PTPRJ: variants seen among roughly 807,000 people sequenced by gnomAD.
PTPRJ encodes protein tyrosine phosphatase receptor type J, also known as receptor-type tyrosine-protein phosphatase eta.
A neutral mutation model predicts 141.3 loss-of-function variants in PTPRJ; 129 were observed. The observed-to-expected ratio is 0.91, with a 90% CI of 0.79 to 1.06. The LOEUF (loss-of-function observed/expected upper bound fraction) is 1.06. Among genes scored for constraint, PTPRJ ranks in the 50% least tolerant of loss-of-function variants. The pLI is 0.00. For synonymous variants in PTPRJ, 610 were observed against 640.5 expected (o/e 0.95, Z 0.72); for missense variants, 1,601 against 1,679.7 (o/e 0.95, Z 0.82).
chr11:48,018,931 A>C (rs1274046578), intron 1 of PTPRJ, among the ~76,000 whole-genome samples: 2 of 152,060 alleles, frequency 1.3e-5, no homozygotes, highest in Admixed American at 6.5e-5. Context: ...TCGCCTCTGC[A>C]GGCTGGTGGG....
At chr11:48,157,455 T>A (rs1310759347) in intron 21 of PTPRJ, among the ~76,000 whole-genome samples, 1 of 152,240 alleles carries the variant, frequency 6.6e-6, no homozygotes, top group Non-Finnish European at 1.5e-5. Flanking sequence ...ATTCGATTCC[T>A]TAAGCCAGTG....
At chr11:48,149,539 T>G (rs766698946) in intron 16 of PTPRJ, 51 bp downstream of exon 16, 2 of 1,177,176 alleles carry the variant, frequency 1.7e-6, no homozygotes. Flanking sequence ...ATCTGTTCGG[T>G]GACTATCTAT....
At chr11:48,092,318 GAAA>G (rs1565298767) in intron 1 of PTPRJ, among the ~76,000 whole-genome samples, 1 of 113,166 alleles carries the variant, frequency 8.8e-6, no homozygotes, top group Non-Finnish European at 1.8e-5. Flanking sequence ...AAAAAAAAAA[GAAA>G]AAGAAAAAAA....
chr11:48,087,385 T>A (rs1855744755), intron 1 of PTPRJ, among the ~76,000 whole-genome samples: 1 of 152,234 alleles, frequency 6.6e-6, no homozygotes, highest in Non-Finnish European at 1.5e-5. Flanking sequence ...ATATTTCCTT[T>A]TGTGAGACAA....
rs796280456 is a variant in PTPRJ at position 48,062,512 on chromosome 11, C to CA, written c.97-47536dup. Among the ~76,000 whole-genome samples the CA allele has an allele frequency of 3.9e-3, 563 of 144,868 alleles. 4 individuals are homozygous for CA. The highest frequency in any genetic ancestry group is 0.031 in the Middle Eastern group (9 of 290). On this transcript the variant is annotated intron_variant, in intron 1 of 24. Coordinates refer to ENST00000418331, the MANE Select transcript of PTPRJ (RefSeq NM_002843.4). ...TGGGCGACAGAGCGAGACTCCATCT[C>CA]AAAAAAAAAACCAAAAAAAACAGTG...
intron 1 of PTPRJ, among the ~76,000 whole-genome samples, chr11:48,087,300 T>G (rs1855742229): frequency 1.3e-5 from 2 of 152,234 alleles, no homozygotes; most frequent in African/African-American, 4.8e-5. Flanking sequence ...AGTGCTGAGA[T>G]TCTCGTGAAG....
intron 1 of PTPRJ, among the ~76,000 whole-genome samples, chr11:48,033,773 A>G (rs985154875): frequency 1.3e-5 from 2 of 152,130 alleles, no homozygotes; most frequent in African/African-American, 4.8e-5. Flanking sequence ...GGATTTGAAG[A>G]TTGTGAAGGA....
intron 19 of PTPRJ, among the ~76,000 whole-genome samples, chr11:48,154,657 G>A (rs922097375): frequency 6.6e-5 from 10 of 152,122 alleles, no homozygotes; most frequent in Admixed American, 1.3e-4. Flanking sequence ...ATCTTTATTC[G>A]AAGCCGTGTT....
intron 1 of PTPRJ, among the ~76,000 whole-genome samples, chr11:47,984,822 G>A (rs959110876): frequency 2.0e-5 from 3 of 151,622 alleles, no homozygotes; most frequent in Non-Finnish European, 4.4e-5. Flanking sequence ...GCCTCACAAA[G>A]TGCAGGGATT....
chr11:48,020,101 C>T (rs914416717), intron 1 of PTPRJ, among the ~76,000 whole-genome samples: 1 of 152,214 alleles, frequency 6.6e-6, no homozygotes, highest in African/African-American at 2.4e-5. Context: ...AGGCATGTCC[C>T]GAGATCCTGG....
At chr11:48,033,066 A>C (rs1854026595) in intron 1 of PTPRJ, among the ~76,000 whole-genome samples, 1 of 152,108 alleles carries the variant, frequency 6.6e-6, no homozygotes, top group Non-Finnish European at 1.5e-5. Flanking sequence ...AAAAAAAAAA[A>C]AACAAGTCTA....
rs182988000 is a variant in PTPRJ at position 48,103,266 on chromosome 11, C to T, written c.97-6792C>T. 3.0e-3 allele frequency among the ~76,000 whole-genome samples: 450 copies of T among 152,202 alleles called. 1 individual carries two copies. The highest frequency in any genetic ancestry group is 9.8e-3 in the South Asian group (47 of 4,818). On this transcript the variant is annotated intron_variant, in intron 1 of 24. Transcript: ENST00000418331. ...TTCAGGCCAGGAGTTTGAGACCAGC[C>T]AGGGAAGTATAGGGAGACCCCATTT... is the stretch of plus-strand genomic sequence containing the variant.
Position 48,169,329 on chromosome 11 carries a change from T to G in PTPRJ, c.*1967T>G, listed in dbSNP as rs901601248. On this transcript the variant is annotated 3_prime_UTR_variant, in exon 25 of 25. Coordinates refer to ENST00000418331, the MANE Select transcript of PTPRJ (RefSeq NM_002843.4). Reference sequence around the variant, plus strand: ...AGTAAGCAGTTCATTGAGTATCAGGTCCTCAAAGGAATGAGTTGGCCCGGC... The same window carrying G: ...AGTAAGCAGTTCATTGAGTATCAGGGCCTCAAAGGAATGAGTTGGCCCGGC... 1 of 152,146 alleles carries G rather than the reference T, an allele frequency of 6.6e-6. No individual in the cohort carries two copies. Among genetic ancestry groups the G allele is most frequent in the Non-Finnish European group, 1.5e-5 (1 of 68,024 alleles). The allele number at this position is 152,146 out of a possible 1,614,324, so 9.4% of individuals were successfully genotyped here.
chr11:48,027,698 G>A (rs1161769985), intron 1 of PTPRJ, among the ~76,000 whole-genome samples: 2 of 150,662 alleles, frequency 1.3e-5, no homozygotes, highest in African/African-American at 4.9e-5. Context: ...AGGCTGAGGC[G>A]GGAGAATTGT....
At chr11:48,007,682 C>A (rs1276764274) in intron 1 of PTPRJ, among the ~76,000 whole-genome samples, 1 of 152,220 alleles carries the variant, frequency 6.6e-6, no homozygotes, top group Non-Finnish European at 1.5e-5. Flanking sequence ...CAGGTGTGAG[C>A]CACTGCACCC....
intron 1 of PTPRJ, among the ~76,000 whole-genome samples, chr11:48,071,819 G>A (rs1429812389): frequency 6.7e-6 from 1 of 149,790 alleles, no homozygotes; most frequent in African/African-American, 2.5e-5. Flanking sequence ...GTCCAGGATG[G>A]TCTCGATCTC....
At chr11:48,119,679 C>T (rs1375730843) in intron 3 of PTPRJ, among the ~76,000 whole-genome samples, 2 of 152,218 alleles carry the variant, frequency 1.3e-5, no homozygotes, top group Non-Finnish European at 2.9e-5. Context: ...GCTGGGATTA[C>T]AGGCATGAGC....
At chr11:48,040,612 CTT>C (rs398055231) in intron 1 of PTPRJ, among the ~76,000 whole-genome samples, 21 of 135,344 alleles carry the variant, frequency 1.6e-4, no homozygotes, top group African/African-American at 8.7e-5. Flanking sequence ...TCTTCTTCTT[CTT>C]TTTTTTTTTT....
intron 24 of PTPRJ, 43 bp downstream of exon 24, chr11:48,164,558 ATTTTTTTTTTTTTTTTT>A (rs60806872): frequency 1.4e-6 from 1 of 715,256 alleles, no homozygotes; most frequent in African/African-American, 3.5e-5. Context: ...CTTCCCCTCC[ATTTTTTTTTTTTTTTTT>A]TTTTTTTTTG....
Sources: gnomAD v4.1 joint callset for allele counts (sites outside exome capture counted in the v4.1 genomes callset) on GRCh38, gnomAD v4.1.1 for gene constraint, MANE v1.5 for transcripts, NCBI Gene and HGNC (gene_info 2026-07-23, HGNC 2026-07-21) for gene names.